NRXN3: variants seen among roughly 807,000 people sequenced by gnomAD.
The protein encoded by NRXN3 is neurexin III.
NRXN3 carries 32 observed loss-of-function variants against 137.6 expected under a neutral mutation model. The observed-to-expected ratio is 0.23, with a 90% CI of 0.18 to 0.31. The LOEUF (loss-of-function observed/expected upper bound fraction) is 0.31. NRXN3 is among the 10% of genes least tolerant of loss of function. NRXN3 has a pLI of 1.00. For synonymous variants in NRXN3, 798 were observed against 784.5 expected (o/e 1.02, Z -0.29); for missense variants, 1,574 against 2,062.5 (o/e 0.76, Z 4.59).
chr14:78,994,393 A>G (rs2099525533), intron 15 of NRXN3, among the ~76,000 whole-genome samples: 1 of 151,866 alleles, frequency 6.6e-6, no homozygotes, highest in South Asian at 2.1e-4. Flanking sequence ...TCAAGATATA[A>G]AAAAAAATTA....
intron 19 of NRXN3, among the ~76,000 whole-genome samples, chr14:79,763,117 G>A (rs370752182): frequency 9.9e-5 from 15 of 150,968 alleles, no homozygotes; most frequent in East Asian, 5.8e-4. Context: ...GAGAACATAC[G>A]GTGTTTGGTT....
chr14:79,611,340 C>T (rs1458862588), intron 16 of NRXN3: 1 of 152,266 alleles, frequency 6.6e-6, no homozygotes, highest in Non-Finnish European at 1.5e-5. Context: ...AATGTTGTGC[C>T]TGTAATCCCA....
intron 15 of NRXN3, among the ~76,000 whole-genome samples, chr14:79,133,654 G>A (rs1292762748): frequency 6.6e-6 from 1 of 152,148 alleles, no homozygotes; most frequent in Non-Finnish European, 1.5e-5. Context: ...AGCCCAGCAC[G>A]GTGGCTCATG....
intron 3 of NRXN3, among the ~76,000 whole-genome samples, chr14:78,292,681 A>G (rs1347373606): frequency 2.0e-5 from 3 of 152,230 alleles, no homozygotes; most frequent in African/African-American, 7.2e-5. Flanking sequence ...CTGAACTTTA[A>G]TGGTGCTGCA....
chr14:79,345,122 T>C (rs2092802963), intron 15 of NRXN3, among the ~76,000 whole-genome samples: 1 of 152,136 alleles, frequency 6.6e-6, no homozygotes, highest in Admixed American at 6.5e-5. Context: ...TTTTTTTGGG[T>C]ATTTGCACGT....
At chr14:79,648,433 G>A (rs1256610544) in intron 16 of NRXN3, among the ~76,000 whole-genome samples, 1 of 135,300 alleles carries the variant, frequency 7.4e-6, no homozygotes, top group African/African-American at 2.5e-5. Context: ...ATCTTAAAAT[G>A]TTGAAAACTA....
At chr14:79,352,245 C>G (rs2093245699) in intron 15 of NRXN3, among the ~76,000 whole-genome samples, 2 of 152,030 alleles carry the variant, frequency 1.3e-5, no homozygotes, top group South Asian at 4.1e-4. Flanking sequence ...AAAAAAAATG[C>G]AGCGTCTGGC....
chr14:79,377,323 C>T (rs2094332134), intron 15 of NRXN3, among the ~76,000 whole-genome samples: 1 of 152,174 alleles, frequency 6.6e-6, no homozygotes, highest in African/African-American at 2.4e-5. Flanking sequence ...AGTACAACCC[C>T]TGGTAATGAT....
intron 8 of NRXN3, among the ~76,000 whole-genome samples, chr14:78,731,690 C>A (rs1247215673): frequency 6.7e-6 from 1 of 148,970 alleles, no homozygotes; most frequent in Non-Finnish European, 1.5e-5. Context: ...TACATATATT[C>A]TATTCTATAT....
chr14:78,673,181 G>C (rs1354650332), intron 6 of NRXN3, among the ~76,000 whole-genome samples: 1 of 152,110 alleles, frequency 6.6e-6, no homozygotes, highest in African/African-American at 2.4e-5. Flanking sequence ...AAATTAATAG[G>C]TCCAGGTACT....
chr14:79,735,868 G>GTGTT, intron 19 of NRXN3, among the ~76,000 whole-genome samples: 1 of 152,284 alleles, frequency 6.6e-6, no homozygotes, highest in Non-Finnish European at 1.5e-5. Flanking sequence ...CTTCCAAAAT[G>GTGTT]TGTTTAAAAT....
chr14:79,382,575 A>C (rs2094500247), intron 15 of NRXN3, among the ~76,000 whole-genome samples: 2 of 152,098 alleles, frequency 1.3e-5, no homozygotes, highest in African/African-American at 4.8e-5. Context: ...TTATCTTATT[A>C]GGACTCCACA....
At chr14:79,772,898 C>A (rs2099083550) in intron 19 of NRXN3, among the ~76,000 whole-genome samples, 1 of 152,086 alleles carries the variant, frequency 6.6e-6, no homozygotes, top group South Asian at 2.1e-4. Flanking sequence ...GGCTAATATC[C>A]AGAATCTACA....
At chr14:79,177,674 C>T (rs930228170) in intron 15 of NRXN3, among the ~76,000 whole-genome samples, 1 of 152,144 alleles carries the variant, frequency 6.6e-6, no homozygotes, top group Non-Finnish European at 1.5e-5. Context: ...CCCTCTGATA[C>T]ATTTGCATTT....
chr14:79,690,326 T>C (rs1361439136), intron 17 of NRXN3, among the ~76,000 whole-genome samples: 1 of 152,186 alleles, frequency 6.6e-6, no homozygotes, highest in East Asian at 1.9e-4. Flanking sequence ...TAATGATCTC[T>C]AATCGATAGC....
At chr14:78,305,614 C>T (rs934877128) in intron 4 of NRXN3, among the ~76,000 whole-genome samples, 41 of 152,142 alleles carry the variant, frequency 2.7e-4, no homozygotes, top group African/African-American at 8.7e-4. Context: ...CCCCTCTTGT[C>T]CCTGCTAGGA....
chr14:79,810,923 A>G (rs969267793), intron 20 of NRXN3, among the ~76,000 whole-genome samples: 1 of 152,242 alleles, frequency 6.6e-6, no homozygotes, highest in African/African-American at 2.4e-5. Context: ...GGCCTTAAAT[A>G]TGATGTTTGA....
intron 10 of NRXN3, among the ~76,000 whole-genome samples, chr14:78,924,109 C>T (rs141835580): frequency 1.0e-3 from 155 of 152,192 alleles, no homozygotes; most frequent in Middle Eastern, 3.4e-3. Context: ...ATTAGCAGGG[C>T]GTGGTGGCAC....
chr14:78,548,795 C>T (rs2096659865), intron 4 of NRXN3, among the ~76,000 whole-genome samples: 1 of 152,172 alleles, frequency 6.6e-6, no homozygotes, highest in African/African-American at 2.4e-5. Flanking sequence ...TCTGCACGTT[C>T]CCATCAAATG....
Sources: gnomAD v4.1 joint callset for allele counts (sites outside exome capture counted in the v4.1 genomes callset) on GRCh38, gnomAD v4.1.1 for gene constraint, MANE v1.5 for transcripts, NCBI Gene and HGNC (gene_info 2026-07-23, HGNC 2026-07-21) for gene names.